LMF1: variants seen among roughly 807,000 people sequenced by gnomAD.
LMF1 encodes the protein transmembrane protein 112.
Under a neutral mutation model 60.6 loss-of-function variants are expected in LMF1, and 68 were observed. That is an observed-to-expected ratio of 1.12 (90% CI 0.92 to 1.37). LMF1 has a LOEUF of 1.37. LMF1 is among the 40% of genes most tolerant of loss of function. The pLI is 0.00. For synonymous variants in LMF1, 418 were observed against 324.7 expected, an observed-to-expected ratio of 1.29 and a Z score of -3.09; for missense variants, 948 against 767.2, an observed-to-expected ratio of 1.24 and a Z score of -2.78.
chr16:875,137 G>A (rs1567164686), intron 6 of LMF1, among the ~76,000 whole-genome samples: 1 of 152,144 alleles, frequency 6.6e-6, no homozygotes, highest in Non-Finnish European at 1.5e-5. Context: ...TCCGAGGCCT[G>A]GAAGGGAGGC....
chr16:861,363 T>G (rs1043649743), intron 10 of LMF1, among the ~76,000 whole-genome samples: 1 of 146,394 alleles, frequency 6.8e-6, no homozygotes, highest in African/African-American at 2.5e-5. Flanking sequence ...TCTTTTTTTT[T>G]TTTTTTTTTT....
chr16:932,596 AT>A (rs900284472), intron 3 of LMF1, among the ~76,000 whole-genome samples: 2 of 152,036 alleles, frequency 1.3e-5, no homozygotes, highest in African/African-American at 2.4e-5. Flanking sequence ...AATTAAAAAA[AT>A]TTTTTTTGTG....
chr16:900,679 T>TTGTG (rs1415329144), intron 4 of LMF1: 30 of 108,744 alleles, frequency 2.8e-4, no homozygotes, highest in African/African-American at 6.5e-4. Flanking sequence ...CTGCTAATTT[T>TTGTG]TATGTGTGTG....
At position 889,486 on chromosome 16, in the gene LMF1, G is replaced by A. The variant is rs375968795; in HGVS notation, c.729+3521C>T. Among the ~76,000 whole-genome samples the A allele has an allele frequency of 7.2e-4, 109 of 152,172 alleles. 1 individual carries two copies. In the South Asian group the frequency reaches 7.9e-3, roughly 11 times the overall value. ...TCCCAAGCCCGGAGGGAGGAGTCCCGAGGGAGGCATCCCCGGGGTGCATGG... is the reference window on the plus strand; with the variant it reads ...TCCCAAGCCCGGAGGGAGGAGTCCCAAGGGAGGCATCCCCGGGGTGCATGG... On this transcript the variant is annotated intron_variant, in intron 5 of 10. Transcript: ENST00000262301.
intron 5 of LMF1, among the ~76,000 whole-genome samples, chr16:888,883 T>C (rs990674962): frequency 3.3e-5 from 5 of 152,170 alleles, no homozygotes; most frequent in Non-Finnish European, 4.4e-5. Flanking sequence ...GCAGCAGCCA[T>C]GAGGCAGAGG....
intron 2 of LMF1, 106 bp downstream of exon 2, chr16:954,251 T>A (rs1376440260): frequency 8.4e-7 from 1 of 1,195,960 alleles, no homozygotes; most frequent in Non-Finnish European, 1.2e-6. Context: ...CTGAAGGAAT[T>A]TAAGATAAAC....
chr16:907,397 T>C (rs571614565), intron 4 of LMF1, among the ~76,000 whole-genome samples: 2 of 150,966 alleles, frequency 1.3e-5, no homozygotes, highest in South Asian at 4.2e-4. Context: ...CGAGACTCCA[T>C]CTCAAAAAGA....
upstream of LMF1, among the ~76,000 whole-genome samples, chr16:972,788 C>A (rs966918823): frequency 6.6e-6 from 1 of 152,238 alleles, no homozygotes; most frequent in East Asian, 1.9e-4. Flanking sequence ...CAGCTTCCAG[C>A]GCTCCGGGCT....
At chr16:932,291 G>A (rs1163994048) in intron 3 of LMF1, among the ~76,000 whole-genome samples, 2 of 152,240 alleles carry the variant, frequency 1.3e-5, no homozygotes, top group African/African-American at 2.4e-5. Context: ...TGGCCCTGGT[G>A]CTGAGACACG....
rs2072437871 is a variant in LMF1 at position 950,826 on chromosome 16, CAG to C, written c.503+3529_503+3530del. On this transcript the variant is annotated intron_variant, in intron 2 of 10. Transcript: ENST00000262301. ...GTCAGACGACAGAGTCAGCCAACGACAGAGTCAGCCAATGACAGAGTCAGAGC... is the reference window on the plus strand; with the variant it reads ...GTCAGACGACAGAGTCAGCCAACGACAGTCAGCCAATGACAGAGTCAGAGC... 1.5e-5 allele frequency among the ~76,000 whole-genome samples: 2 copies of C among 133,226 alleles called. 1 individual carries two copies. Among genetic ancestry groups the C allele is most frequent in the Admixed American group, 1.5e-4 (2 of 13,336 alleles). The allele number at this position is 133,226 out of a possible 152,430, so 87.4% of individuals were successfully genotyped here. A position where few individuals can be genotyped will look rare whatever the true frequency, so the allele number is the denominator to read the frequency against.
Position 897,265 on chromosome 16 carries a change from C to T in LMF1, c.664-4193G>A, listed in dbSNP as rs887309306. ...GGAGAAGGAGACACTCTGTGGAGAC[C>T]CCGCTTCTCTCACTTGGCCCCCAGA... is the stretch of plus-strand genomic sequence containing the variant. On this transcript the variant is annotated intron_variant, in intron 4 of 10. Coordinates refer to ENST00000262301, the MANE Select transcript of LMF1 (RefSeq NM_022773.4). The surrounding 1 kb of genome is among the most constrained non-coding windows in gnomAD (Gnocchi z 4.3). Among the ~76,000 whole-genome samples, 5 of 152,176 alleles carry T rather than the reference C, an allele frequency of 3.3e-5. No homozygotes were observed. The highest frequency in any genetic ancestry group is 1.2e-4 in the African/African-American group (5 of 41,426).
chr16:932,969 G>A (rs769137603), intron 3 of LMF1: 6 of 152,346 alleles, frequency 3.9e-5, no homozygotes, highest in Admixed American at 2.0e-4. Flanking sequence ...GCTCCCACAC[G>A]CGTGAGCACT....
rs548061586 is a variant in LMF1 at position 907,775 on chromosome 16, C to A, written c.663+3156G>T. 1.3e-4 allele frequency among the ~76,000 whole-genome samples: 20 copies of A among 152,314 alleles called. No individual in the cohort carries two copies. In the South Asian group the frequency reaches 3.1e-3, roughly 24 times the overall value. ...TGCTGCTGTCACTTTCTTATCAACT[C>A]ACCCTCTGCTTTCCACCAAAGGAAC... On this transcript the variant is annotated intron_variant, in intron 4 of 10. Transcript: ENST00000262301.
intron 10 of LMF1, among the ~76,000 whole-genome samples, chr16:863,716 G>A (rs939486282): frequency 2.0e-5 from 3 of 152,142 alleles, no homozygotes; most frequent in Middle Eastern, 3.2e-3. Context: ...AGAGGCTGGC[G>A]TTAACGTCCT....
Position 853,669 on chromosome 16 carries a change from A to G in LMF1, c.*863T>C. On this transcript the variant is annotated 3_prime_UTR_variant, in exon 11 of 11. Transcript: ENST00000262301. Reference sequence around the variant, plus strand: ...AGCTGGTAAGTGGTATAATAGGAATAGTAGAAGAATATGCCATAGCTATGG... The same window carrying G: ...AGCTGGTAAGTGGTATAATAGGAATGGTAGAAGAATATGCCATAGCTATGG... 2.2e-6 allele frequency: 1 copy of G among 453,936 alleles called. No individual in the cohort carries two copies. The highest frequency in any genetic ancestry group is 4.4e-6 in the Non-Finnish European group (1 of 226,588). 28.1% of individuals were successfully genotyped at this position (453,936 alleles called of 1,614,324 possible).
Position 878,757 on chromosome 16 carries a change from CGGGCA to C in LMF1, c.897+808_897+812del, listed in dbSNP as rs2070072273. On this transcript the variant is annotated intron_variant, in intron 6 of 10. Coordinates refer to ENST00000262301, the MANE Select transcript of LMF1 (RefSeq NM_022773.4). This position sits in a 1 kb window ranked among gnomAD's most constrained non-coding sequence, Gnocchi z 5.2. ...GGCAGGGGAAGGGCGGGGGCAGGGG[CGGGCA>C]GGGCAGGGGAAGGGGCGTGGGACAC... Among the ~76,000 whole-genome samples, 1 of 83,184 alleles carries C rather than the reference CGGGCA, an allele frequency of 1.2e-5. No individual in the cohort carries two copies. Among genetic ancestry groups the C allele is most frequent in the Non-Finnish European group, 2.7e-5 (1 of 36,844 alleles). The allele number at this position is 83,184 out of a possible 152,430, so 54.6% of individuals were successfully genotyped here.
chr16:861,022 T>G (rs1432107267), intron 10 of LMF1, among the ~76,000 whole-genome samples: 2 of 152,208 alleles, frequency 1.3e-5, no homozygotes, highest in Non-Finnish European at 2.9e-5. Context: ...CTGGGTTTTT[T>G]TTTTAATAGG....
In LMF1 at chr16:925,943, T is replaced by C. The variant is rs551435977; in HGVS notation, c.514+8301A>G. Among the ~76,000 whole-genome samples, 5 of 152,334 alleles carry C rather than the reference T, an allele frequency of 3.3e-5. No individual in the cohort carries two copies. In the East Asian group the frequency reaches 9.6e-4, roughly 29 times the overall value. On this transcript the variant is annotated intron_variant, in intron 3 of 10. Transcript: ENST00000262301. ...CGTGTTTGCATATGATCTGCATATG[T>C]GTCTGTGTGTGCACGTGTGCACGTT...
chr16:914,496 TC>T (rs2071214680), intron 3 of LMF1, among the ~76,000 whole-genome samples: 1 of 148,108 alleles, frequency 6.8e-6, no homozygotes, highest in African/African-American at 2.5e-5. Context: ...CCAGACACGC[TC>T]CCTCCCTCCC....
Sources: allele counts gnomAD v4.1 joint callset (sites outside exome capture counted in the v4.1 genomes callset), GRCh38; gene constraint gnomAD v4.1.1; non-coding constraint Gnocchi (gnomAD v3.1); transcripts MANE v1.5; gene names NCBI Gene and HGNC (gene_info 2026-07-23, HGNC 2026-07-21).